TAF1: variants seen among roughly 807,000 people sequenced by gnomAD.
TAF1 encodes the protein transcription initiation factor TFIID subunit 1.
In TAF1, 2 loss-of-function variants were observed where a neutral mutation model predicts 138.5. That is an observed-to-expected ratio of 0.01 (90% CI 0.01 to 0.05). TAF1 has a LOEUF of 0.05. Ranked by LOEUF, TAF1 falls within the 10% of genes least tolerant of loss-of-function variation. The probability of loss-of-function intolerance (pLI) is 1.00; values close to 1 mark genes in which losing one functional copy is unlikely to be tolerated. For synonymous variants in TAF1, 437 were observed against 503.2 expected (o/e 0.87, Z 1.76); for missense variants, 709 against 1,478.0 (o/e 0.48, Z 8.53).
chrX:71,445,838 T>G (rs2037668649), intron 32 of TAF1, among the ~76,000 whole-genome samples: 1 of 111,749 alleles, frequency 8.9e-6, no homozygotes, highest in African/African-American at 3.3e-5. Context: ...GTATGTATCA[T>G]AATTTATTTA....
chrX:71,434,000 C>T (rs758896338), intron 32 of TAF1, among the ~76,000 whole-genome samples: 10 of 112,029 alleles, frequency 8.9e-5, no homozygotes, highest in Admixed American at 3.8e-4. Context: ...GCGATATACA[C>T]GAAATAATAT....
At chrX:71,452,329 T>C (rs1449417764) in intron 32 of TAF1, among the ~76,000 whole-genome samples, 1 of 107,578 alleles carries the variant, frequency 9.3e-6, no homozygotes, top group Non-Finnish European at 1.9e-5. Flanking sequence ...GCGGAGGGTC[T>C]CCTCACTTCT....
At chrX:71,431,429 G>A (rs1389417617) in intron 32 of TAF1, among the ~76,000 whole-genome samples, 1 of 110,697 alleles carries the variant, frequency 9.0e-6, no homozygotes, top group Non-Finnish European at 1.9e-5. Flanking sequence ...AATATAAGTA[G>A]ATGAGCTCAA....
rs2036438711 is a variant in TAF1 at position 71,423,137 on chromosome X, C to G, written c.4473C>G (p.Arg1491=). The part of the protein sequence containing the change: ...KLKEKEDKLA[R]LEKAINPLLD... ...TTCAGAAAGAAGACAAATTAGCTCG[C>G]TTAGAGAAAGCTATCAACCCCTTGC... Residue 1491 remains arginine, a synonymous_variant, in exon 30 of 38, where the codon CGC becomes CGG. Transcript: ENST00000423759. The G allele has an allele frequency of 7.4e-6, 9 of 1,211,910 alleles. No homozygotes were observed. In the East Asian group the frequency reaches 2.7e-4, roughly 36 times the overall value.
intron 3 of TAF1, among the ~76,000 whole-genome samples, chrX:71,374,465 A>G (rs2033325639): frequency 8.9e-6 from 1 of 111,741 alleles, no homozygotes; most frequent in Non-Finnish European, 1.9e-5. Flanking sequence ...TATGTTTCAG[A>G]TAGATATGTA....
At chrX:71,398,843 T>C (rs769679833) in intron 24 of TAF1, 106 bp downstream of exon 24, 2 of 1,045,693 alleles carry the variant, frequency 1.9e-6, no homozygotes, top group African/African-American at 3.8e-5. Flanking sequence ...GGAAGTATAT[T>C]GTGGAAAGCT....
At chrX:71,420,202 G>T in intron 28 of TAF1, 1 of 613,879 alleles carries the variant, frequency 1.6e-6, no homozygotes, top group Non-Finnish European at 2.7e-6. Flanking sequence ...GTCCGGGCAT[G>T]GTAGCGGGCT....
At chrX:71,489,066 G>GAAA (rs752683098) in intron 13 of TAF1, among the ~76,000 whole-genome samples, 1 of 85,362 alleles carries the variant, frequency 1.2e-5, no homozygotes, top group Non-Finnish European at 2.3e-5. Flanking sequence ...GACTCTGTCT[G>GAAA]AAAAAAAAAA....
chrX:71,398,441 A>T, intron 23 of TAF1, 131 bp from the exon 24 acceptor site: 1 of 862,755 alleles, frequency 1.2e-6, no homozygotes, highest in Non-Finnish European at 1.6e-6. Context: ...TGGGAATGGC[A>T]TGTAGCCCCT....
At chrX:71,391,737 G>T (rs1488055573) in intron 18 of TAF1, among the ~76,000 whole-genome samples, 1 of 105,658 alleles carries the variant, frequency 9.5e-6, no homozygotes, top group Non-Finnish European at 1.9e-5. Flanking sequence ...AGCCATTCTC[G>T]TGCCTCAGCC....
chrX:71,471,318 T>TAAA (rs1210578907), intron 13 of TAF1, among the ~76,000 whole-genome samples: 1 of 84,908 alleles, frequency 1.2e-5, no homozygotes, highest in Non-Finnish European at 2.2e-5. Flanking sequence ...AGACTCCGTC[T>TAAA]AAAAAAAAAA....
At chrX:71,442,786 T>C (rs900340027) in intron 32 of TAF1, among the ~76,000 whole-genome samples, 1 of 112,250 alleles carries the variant, frequency 8.9e-6, no homozygotes, top group Non-Finnish European at 1.9e-5. Context: ...AGGGTTTTTA[T>C]GGTTTTAGGT....
In TAF1 at chrX:71,496,094, T is replaced by C. The variant is rs183328592; in HGVS notation, c.1367-32448T>C. ...TTTGAGCAGACCAATTACTGGGCAA[T>C]TTTCCTAATTCTGCTTCTACAAGAG... On this transcript the variant is annotated intron_variant and NMD_transcript_variant, in intron 13 of 14. Transcript: ENST00000373775. Among the ~76,000 whole-genome samples, 62 of 112,395 alleles carry C rather than the reference T, an allele frequency of 5.5e-4. 1 individual carries two copies. The highest frequency in any genetic ancestry group is 1.9e-3 in the African/African-American group (59 of 31,010).
At chrX:71,399,928 C>T (rs1481721537) in intron 24 of TAF1, among the ~76,000 whole-genome samples, 2 of 108,549 alleles carry the variant, frequency 1.8e-5, no homozygotes, top group African/African-American at 6.7e-5. Context: ...GATGGGGTTT[C>T]ACCATGTTGG....
At chrX:71,497,925 G>T (rs1321459772) in intron 13 of TAF1, among the ~76,000 whole-genome samples, 2 of 111,847 alleles carry the variant, frequency 1.8e-5, no homozygotes, top group African/African-American at 6.5e-5. Flanking sequence ...TTCATTCCTT[G>T]CTGATGGCCC....
chrX:71,496,756 T>C (rs761129335), intron 13 of TAF1, among the ~76,000 whole-genome samples: 3 of 111,244 alleles, frequency 2.7e-5, no homozygotes, highest in Non-Finnish European at 3.8e-5. Context: ...TGACTTTCTG[T>C]CTCTTTCTCT....
chrX:71,424,276 C>T, intron 32 of TAF1, 38 bp downstream of exon 32: 2 of 1,121,177 alleles, frequency 1.8e-6, no homozygotes, highest in Non-Finnish European at 2.4e-6. Context: ...ATGAATCCGT[C>T]CATCTTCTAT....
At chrX:71,449,036 A>G (rs1285368049) in intron 32 of TAF1, among the ~76,000 whole-genome samples, 2 of 105,359 alleles carry the variant, frequency 1.9e-5, no homozygotes, top group African/African-American at 7.0e-5. Flanking sequence ...CTTGTTGCCC[A>G]GGCTGGAGTT....
intron 28 of TAF1, chrX:71,420,514 T>TG (rs879226842): frequency 8.3e-7 from 1 of 1,205,251 alleles, no homozygotes; most frequent in Middle Eastern, 3.1e-4. Context: ...TTCTCCTCAA[T>TG]GACATGATCA....
Sources: allele counts gnomAD v4.1 joint callset (sites outside exome capture counted in the v4.1 genomes callset), GRCh38; gene constraint gnomAD v4.1.1; transcripts MANE v1.5; gene names NCBI Gene and HGNC (gene_info 2026-07-23, HGNC 2026-07-21).